The following SMC6 variants were observed in gnomAD, a reference collection of about 807,000 sequenced individuals.
SMC6 encodes structural maintenance of chromosomes protein 6.
A neutral mutation model predicts 142.2 loss-of-function variants in SMC6; 79 were observed. That is an observed-to-expected ratio of 0.56 (90% CI 0.46 to 0.67). The LOEUF (loss-of-function observed/expected upper bound fraction) is 0.67, where lower values mean the gene tolerates loss of function less well. Ranked by LOEUF, SMC6 falls within the 30% of genes least tolerant of loss-of-function variation. SMC6 has a pLI of 0.00. For missense variants in SMC6, 1,072 were observed against 1,284.0 expected (o/e 0.83, Z 2.52); for synonymous variants, 411 against 412.4 (o/e 1.00, Z 0.04).
At chr2:17,728,212 G>T (rs1460608024) in intron 7 of SMC6, among the ~76,000 whole-genome samples, 1 of 152,090 alleles carries the variant, frequency 6.6e-6, no homozygotes, top group African/African-American at 2.4e-5. Context: ...GAGGCAGGTG[G>T]ACTGCTTGAG....
At chr2:17,726,088 A>T (rs3895795) in intron 8 of SMC6, among the ~76,000 whole-genome samples, 11 of 28,040 alleles carry the variant, frequency 3.9e-4, no homozygotes, top group Non-Finnish European at 1.3e-3. Flanking sequence ...GCTCTGTCTT[A>T]AAAAAAAAAA....
At chr2:17,685,686 T>C (rs753831650) in intron 23 of SMC6, among the ~76,000 whole-genome samples, 1 of 151,312 alleles carries the variant, frequency 6.6e-6, no homozygotes, top group Non-Finnish European at 1.5e-5. Flanking sequence ...GAAAAAGGAA[T>C]AAGAAAAAAA....
chr2:17,670,993 T>C (rs751601852), intron 25 of SMC6, among the ~76,000 whole-genome samples: 4 of 151,668 alleles, frequency 2.6e-5, no homozygotes, highest in Non-Finnish European at 4.4e-5. Flanking sequence ...TCCCAAGTAG[T>C]TGGGACCACA....
intron 25 of SMC6, among the ~76,000 whole-genome samples, chr2:17,678,389 G>A (rs1667091817): frequency 6.6e-6 from 1 of 152,048 alleles, no homozygotes; most frequent in Non-Finnish European, 1.5e-5. Flanking sequence ...TAGTAAGATC[G>A]ATTTAAATTC....
chr2:17,668,663 T>C (rs1263760368), intron 26 of SMC6, among the ~76,000 whole-genome samples: 1 of 152,166 alleles, frequency 6.6e-6, no homozygotes, highest in East Asian at 1.9e-4. Context: ...TCCTGCCTGA[T>C]AGGGTATGGT....
intron 23 of SMC6, among the ~76,000 whole-genome samples, chr2:17,685,727 T>C (rs757069674): frequency 3.9e-5 from 6 of 151,930 alleles, no homozygotes; most frequent in Non-Finnish European, 8.8e-5. Flanking sequence ...ATAACCTAGA[T>C]GTAGAGAAAA....
intron 5 of SMC6, among the ~76,000 whole-genome samples, chr2:17,732,550 T>C (rs922313791): frequency 2.0e-5 from 3 of 151,810 alleles, no homozygotes; most frequent in African/African-American, 7.3e-5. Flanking sequence ...AATACAAAAA[T>C]TAGCCGGGCA....
At chr2:17,675,004 T>G (rs934782518) in intron 25 of SMC6, among the ~76,000 whole-genome samples, 1 of 152,152 alleles carries the variant, frequency 6.6e-6, no homozygotes, top group Non-Finnish European at 1.5e-5. Context: ...CACTTACACT[T>G]AATGTAATTG....
intron 23 of SMC6, among the ~76,000 whole-genome samples, chr2:17,685,086 T>C (rs1483044543): frequency 7.2e-6 from 1 of 138,660 alleles, no homozygotes; most frequent in Non-Finnish European, 1.6e-5. Context: ...GGAAAACACA[T>C]AGATGGAAAT....
chr2:17,734,392 T>C (rs2125053507), intron 5 of SMC6, among the ~76,000 whole-genome samples: 1 of 152,288 alleles, frequency 6.6e-6, no homozygotes, highest in Admixed American at 6.5e-5. Context: ...GAAAAATCAA[T>C]TAATGGGATT....
rs1442660940 is a variant in SMC6, at chr2:17,703,178, T to C, written c.2121A>G (p.Gln707=). ...KHNEELLKRC[Q]LHYKELKMKI... Reference sequence around the variant, plus strand: ...TTACCTTTAGTTCTTTATAATGTAGTTGGCACCTTTTAAGAAGTTCCTCAT... The same window carrying C: ...TTACCTTTAGTTCTTTATAATGTAGCTGGCACCTTTTAAGAAGTTCCTCAT... Residue 707 remains glutamine (Q), a synonymous_variant, in exon 19 of 28, where the codon CAA becomes CAG. Coordinates refer to ENST00000448223, the MANE Select transcript of SMC6 (RefSeq NM_001142286.2). 6.7e-7 allele frequency: 1 copy of C among 1,484,278 alleles called. No individual in the cohort carries two copies. Among genetic ancestry groups the C allele is most frequent in the African/African-American group, 1.4e-5 (1 of 70,598 alleles). The allele number at this position is 1,484,278 out of a possible 1,614,324, so 91.9% of individuals were successfully genotyped here.
At chr2:17,751,275 G>A (rs900682406) in intron 2 of SMC6, among the ~76,000 whole-genome samples, 23 of 151,782 alleles carry the variant, frequency 1.5e-4, no homozygotes, top group Admixed American at 9.8e-4. Context: ...GAGGTAAGGC[G>A]CTCAAGACCA....
intron 3 of SMC6, 25 bp downstream of exon 3, chr2:17,745,802 C>A: frequency 6.4e-7 from 1 of 1,574,604 alleles, no homozygotes; most frequent in Non-Finnish European, 8.6e-7. Flanking sequence ...TATCAAAAAG[C>A]ATAATTTTGT....
In SMC6 at chr2:17,732,496, C is replaced by T. The variant is rs188221138; in HGVS notation, c.345-619G>A. 4.8e-3 allele frequency among the ~76,000 whole-genome samples: 728 copies of T among 152,048 alleles called. 4 individuals are homozygous for T. The highest frequency in any genetic ancestry group is 0.016 in the African/African-American group (673 of 41,478). ...GATGGATCACTTGAGGTCAGGAGTTCGACACCAGCCTGGCCAACACGGTGA... is the reference window on the plus strand; with the variant it reads ...GATGGATCACTTGAGGTCAGGAGTTTGACACCAGCCTGGCCAACACGGTGA... On this transcript the variant is annotated intron_variant, in intron 5 of 27. Transcript: ENST00000448223.
At chr2:17,686,043 T>C (rs1299759664) in intron 23 of SMC6, among the ~76,000 whole-genome samples, 7 of 152,144 alleles carry the variant, frequency 4.6e-5, no homozygotes, top group Admixed American at 3.9e-4. Flanking sequence ...TGGAATGTAA[T>C]TAAAGTTACA....
chr2:17,670,009 T>C (rs1022007984), intron 26 of SMC6, among the ~76,000 whole-genome samples: 3 of 152,252 alleles, frequency 2.0e-5, no homozygotes, highest in African/African-American at 7.2e-5. Context: ...TACATTGTTC[T>C]GAAATGTGTG....
intron 4 of SMC6, among the ~76,000 whole-genome samples, chr2:17,739,855 C>CACACACAG (rs1553321222): frequency 7.0e-6 from 1 of 143,410 alleles, no homozygotes; most frequent in Non-Finnish European, 1.5e-5. Flanking sequence ...GACACACACA[C>CACACACAG]ACACACACAC....
At chr2:17,708,824 G>GTA (rs10657992) in intron 16 of SMC6, 71 bp from the exon 17 acceptor site, 24,912 of 381,340 alleles carry the variant, frequency 0.065, 1,641 homozygotes, top group African/African-American at 0.25. Context: ...TGAAAATTGT[G>GTA]TATATATATA....
intron 8 of SMC6, 137 bp downstream of exon 8, chr2:17,726,252 G>A (rs559307979): frequency 3.3e-4 from 152 of 458,140 alleles, no homozygotes; most frequent in Non-Finnish European, 4.7e-5. Context: ...CCTAATCTAG[G>A]AAATTGAATT....
Sources: gnomAD v4.1 joint callset for allele counts (sites outside exome capture counted in the v4.1 genomes callset) on GRCh38, gnomAD v4.1.1 for gene constraint, MANE v1.5 for transcripts, NCBI Gene and HGNC (gene_info 2026-07-23, HGNC 2026-07-21) for gene names.